Variants in PUS7 observed in about 807,000 individuals in gnomAD.
PUS7 encodes pseudouridine synthase 7.
Under a neutral mutation model 79.8 loss-of-function variants are expected in PUS7, and 48 were observed. That is an observed-to-expected ratio of 0.60 (90% CI 0.48 to 0.76). PUS7 has a LOEUF of 0.76. PUS7 is among the 30% of genes least tolerant of loss of function. The probability of loss-of-function intolerance (pLI) is 0.00; values close to 1 mark genes in which losing one functional copy is unlikely to be tolerated. For synonymous variants in PUS7, 286 were observed against 272.2 expected (o/e 1.05, Z -0.50); for missense variants, 729 against 797.6 (o/e 0.91, Z 1.04).
At chr7:105,494,989 A>AGAAAG (rs572172871) in intron 6 of PUS7, among the ~76,000 whole-genome samples, 153 bp downstream of exon 6, 2 of 149,796 alleles carry the variant, frequency 1.3e-5, no homozygotes, top group African/African-American at 5.0e-5. Context: ...AAAAAAAAAA[A>AGAAAG]AAAGAAAGAA....
At chr7:105,466,516 G>T (rs1823649319) in intron 12 of PUS7, among the ~76,000 whole-genome samples, 1 of 152,074 alleles carries the variant, frequency 6.6e-6, no homozygotes, top group Admixed American at 6.6e-5. Context: ...GCCTCCCAAA[G>T]TACTGGGATT....
chr7:105,496,222 T>TGGAGAGAG, intron 5 of PUS7, among the ~76,000 whole-genome samples: 1 of 85,048 alleles, frequency 1.2e-5, no homozygotes, highest in Admixed American at 1.8e-4. Flanking sequence ...TATATATATA[T>TGGAGAGAG]ATATAGAGAG....
intron 5 of PUS7, among the ~76,000 whole-genome samples, chr7:105,496,417 A>C (rs1321434188): frequency 6.6e-6 from 1 of 152,182 alleles, no homozygotes; most frequent in East Asian, 1.9e-4. Context: ...TACTTAAACA[A>C]CACATCTAGT....
At chr7:105,496,194 CACAT>C (rs60604661) in intron 5 of PUS7, among the ~76,000 whole-genome samples, 9,362 of 90,588 alleles carry the variant, frequency 0.1, 455 homozygotes, top group East Asian at 0.14. Context: ...TACACACACA[CACAT>C]ATATATATAT....
At chr7:105,513,847 A>G (rs1214812373) in intron 1 of PUS7, among the ~76,000 whole-genome samples, 1 of 143,860 alleles carries the variant, frequency 7.0e-6, no homozygotes, top group East Asian at 2.1e-4. Context: ...CAAAAAAAAA[A>G]AAAAAATAGT....
intron 1 of PUS7, among the ~76,000 whole-genome samples, chr7:105,516,674 G>C (rs753808476): frequency 6.6e-6 from 1 of 151,736 alleles, no homozygotes; most frequent in African/African-American, 2.4e-5. Context: ...GGCTGGTCTC[G>C]AACTCCTGAT....
rs886204964 is a variant in PUS7 at position 105,511,916 on chromosome 7, C to A, written c.-32-3372G>T. On this transcript the variant is annotated intron_variant, in intron 1 of 15. Coordinates refer to ENST00000469408, the MANE Select transcript of PUS7 (RefSeq NM_019042.5). ...ATCCCAACACTTTGGGAGGCTGAGG[C>A]GGGTGGATCACAAGGTCAGGAGTTC... Among the ~76,000 whole-genome samples the A allele has an allele frequency of 8.6e-5, 13 of 151,414 alleles. No homozygotes were observed. In the East Asian group the frequency reaches 1.4e-3, roughly 16 times the overall value.
intron 14 of PUS7, 165 bp downstream of exon 14, chr7:105,462,456 A>T: frequency 1.3e-6 from 1 of 759,212 alleles, no homozygotes; most frequent in Non-Finnish European, 2.0e-6. Context: ...AAAAAACAAA[A>T]GGTAAGTAAA....
intron 13 of PUS7, 110 bp downstream of exon 13, chr7:105,465,203 C>T (rs954501248): frequency 2.0e-5 from 12 of 606,736 alleles, no homozygotes; most frequent in Admixed American, 3.4e-5. Context: ...CATGTGAATG[C>T]ATCCCTTTCT....
Position 105,471,940 on chromosome 7 carries a change from ATATAAAT to A in PUS7, c.1237+185_1237+191del, listed in dbSNP as rs200095468. Among the ~76,000 whole-genome samples, 1,152 of 151,678 alleles carry A rather than the reference ATATAAAT, an allele frequency of 7.6e-3. 41 individuals carry two copies. The East Asian group carries it at 0.12, about 16-fold the overall frequency. ...AAAAAAAAAAAAAAGCTAAAATAGG[ATATAAAT>A]TATAAATCTTAAATATACATATACA... On this transcript the variant is annotated intron_variant, in intron 10 of 15. Coordinates refer to ENST00000469408, the MANE Select transcript of PUS7 (RefSeq NM_019042.5).
chr7:105,511,771 A>G (rs765632325), intron 1 of PUS7, among the ~76,000 whole-genome samples: 3 of 152,076 alleles, frequency 2.0e-5, no homozygotes, highest in Non-Finnish European at 2.9e-5. Context: ...AAACAAAACA[A>G]AACGAACAAA....
At chr7:105,483,804 G>A (rs1824430882) in intron 7 of PUS7, among the ~76,000 whole-genome samples, 1 of 152,078 alleles carries the variant, frequency 6.6e-6, no homozygotes, top group African/African-American at 2.4e-5. Context: ...CCATCTTTTT[G>A]TTTTTTAGGC....
At chr7:105,516,475 C>G (rs1825899850) in intron 1 of PUS7, among the ~76,000 whole-genome samples, 1 of 150,710 alleles carries the variant, frequency 6.6e-6, no homozygotes, top group Non-Finnish European at 1.5e-5. Flanking sequence ...CGGAGTTTTG[C>G]TCTTGTTGCC....
intron 13 of PUS7, 84 bp from the exon 14 acceptor site, chr7:105,462,834 T>A: frequency 7.8e-7 from 1 of 1,286,996 alleles, no homozygotes; most frequent in Non-Finnish European, 1.1e-6. Context: ...AGTAACAATG[T>A]AAGTTCAGTT....
At chr7:105,460,648 A>G (rs930745549) in intron 14 of PUS7, among the ~76,000 whole-genome samples, 26 of 151,430 alleles carry the variant, frequency 1.7e-4, no homozygotes, top group African/African-American at 6.3e-4. Flanking sequence ...AGGTCAGGAG[A>G]TCGAGACCAT....
At chr7:105,491,381 T>G (rs1824772923) in intron 7 of PUS7, among the ~76,000 whole-genome samples, 159 bp downstream of exon 7, 1 of 152,154 alleles carries the variant, frequency 6.6e-6, no homozygotes, top group South Asian at 2.1e-4. Context: ...ACACGTTTCA[T>G]AGATAAGAAG....
intron 7 of PUS7, among the ~76,000 whole-genome samples, chr7:105,483,307 C>T (rs1448735160): frequency 6.6e-5 from 10 of 152,014 alleles, no homozygotes; most frequent in Admixed American, 5.9e-4. Context: ...GGCTTACAGG[C>T]GCACACCACC....
At chr7:105,512,273 A>G (rs1825734783) in intron 1 of PUS7, among the ~76,000 whole-genome samples, 1 of 152,180 alleles carries the variant, frequency 6.6e-6, no homozygotes, top group Non-Finnish European at 1.5e-5. Context: ...TCCCTAATTC[A>G]AAGAAAAAAG....
intron 5 of PUS7, among the ~76,000 whole-genome samples, chr7:105,497,714 AAT>A (rs1297662604): frequency 3.9e-5 from 6 of 152,240 alleles, no homozygotes; most frequent in Admixed American, 3.9e-4. Context: ...TCATCTGGCA[AAT>A]AGATACTGAA....
Sources: allele counts gnomAD v4.1 joint callset (sites outside exome capture counted in the v4.1 genomes callset), GRCh38; gene constraint gnomAD v4.1.1; transcripts MANE v1.5; gene names NCBI Gene and HGNC (gene_info 2026-07-23, HGNC 2026-07-21).